The following FANCL variants were observed in gnomAD, a reference collection of about 807,000 sequenced individuals.
FANCL encodes the protein E3 ubiquitin-protein ligase FANCL.
Under a neutral mutation model 59.4 loss-of-function variants are expected in FANCL, and 69 were observed. The observed-to-expected ratio is 1.16, with a 90% confidence interval of 0.96 to 1.42. The LOEUF is 1.42. FANCL is among the 40% of genes most tolerant of loss of function. The pLI, the probability that FANCL is intolerant of heterozygous loss-of-function variation, is 0.00. For missense variants in FANCL, 519 were observed against 447.2 expected (o/e 1.16, Z -1.45); for synonymous variants, 180 against 147.1 (o/e 1.22, Z -1.62).
intron 8 of FANCL, 151 bp from the exon 9 acceptor site, chr2:58,163,668 T>C: frequency 1.6e-6 from 1 of 622,644 alleles, no homozygotes; most frequent in South Asian, 1.9e-5. Context: ...TAATGGTAAA[T>C]ATAATTGAAC....
chr2:58,182,987 C>A (rs1688070307), intron 7 of FANCL, among the ~76,000 whole-genome samples: 2 of 151,664 alleles, frequency 1.3e-5, no homozygotes, highest in African/African-American at 2.4e-5. Context: ...CTCACAAGAT[C>A]CGAGTGAGAT....
At chr2:58,229,679 G>GA in intron 3 of FANCL, 135 bp downstream of exon 3, 1 of 691,842 alleles carries the variant, frequency 1.4e-6, no homozygotes, top group Non-Finnish European at 2.6e-6. Flanking sequence ...AAAACACACA[G>GA]AGATGAAACC....
At position 58,159,278 on chromosome 2, in the gene FANCL, A is replaced by G. The variant is rs1684654702; in HGVS notation, c.*487T>C. 2 of 1,198,978 alleles carry G rather than the reference A, an allele frequency of 1.7e-6. No homozygotes were observed. Among genetic ancestry groups the G allele is most frequent in the Non-Finnish European group, 2.4e-6 (2 of 848,688 alleles). 74.3% of individuals were successfully genotyped at this position (1,198,978 alleles called of 1,614,324 possible). A position where few individuals can be genotyped will look rare whatever the true frequency, so the allele number is the denominator to read the frequency against. On this transcript the variant is annotated 3_prime_UTR_variant, in exon 14 of 14. Coordinates refer to ENST00000233741, the MANE Select transcript of FANCL (RefSeq NM_018062.4). ...ATAACATTTTATTTAGCATTCTTACACACTACACAAAATAAATACTTGGAT... is the reference window on the plus strand; with the variant it reads ...ATAACATTTTATTTAGCATTCTTACGCACTACACAAAATAAATACTTGGAT...
intron 13 of FANCL, 40 bp from the exon 14 acceptor site, chr2:58,159,840 C>A: frequency 1.9e-6 from 3 of 1,608,424 alleles, no homozygotes; most frequent in Non-Finnish European, 2.5e-6. Context: ...TTTGTGGACA[C>A]TCTAAAAAAT....
intron 5 of FANCL, among the ~76,000 whole-genome samples, chr2:58,208,692 T>C (rs975087611): frequency 3.3e-5 from 5 of 152,204 alleles, no homozygotes; most frequent in Non-Finnish European, 5.9e-5. Flanking sequence ...TCCACTTTTA[T>C]TGCCACTCTC....
chr2:58,198,039 G>T (rs1689605146), intron 7 of FANCL, among the ~76,000 whole-genome samples: 1 of 147,782 alleles, frequency 6.8e-6, no homozygotes, highest in South Asian at 2.1e-4. Flanking sequence ...GTGTGTGTGT[G>T]TGTGTGCGTG....
intron 7 of FANCL, among the ~76,000 whole-genome samples, chr2:58,186,421 A>C (rs921426098): frequency 6.6e-6 from 1 of 152,190 alleles, no homozygotes; most frequent in African/African-American, 2.4e-5. Context: ...AAGGACATGT[A>C]TGGGGAAAAT....
At chr2:58,186,435 T>C (rs549320270) in intron 7 of FANCL, among the ~76,000 whole-genome samples, 2 of 152,234 alleles carry the variant, frequency 1.3e-5, no homozygotes, top group African/African-American at 4.8e-5. Flanking sequence ...GGAAAATTTA[T>C]TGGAAGTGAA....
intron 7 of FANCL, among the ~76,000 whole-genome samples, chr2:58,187,323 C>T (rs1688501870): frequency 1.3e-5 from 2 of 150,912 alleles, no homozygotes; most frequent in South Asian, 4.2e-4. Context: ...GCACAGAAAA[C>T]CAAACACCGC....
intron 7 of FANCL, among the ~76,000 whole-genome samples, chr2:58,198,201 T>G (rs115324140): frequency 0.023 from 3,494 of 151,978 alleles, 56 homozygotes; most frequent in Non-Finnish European, 0.035. Flanking sequence ...TAAGGAAAAC[T>G]GAAAAAACAA....
rs2104796312 is a variant in FANCL at position 58,163,049 on chromosome 2, C to T, written c.801G>A (p.Leu267=). The T allele has an allele frequency of 6.2e-7, 1 of 1,612,218 alleles. No individual in the cohort carries two copies. The highest frequency in any genetic ancestry group is 1.1e-5 in the South Asian group (1 of 90,996). The change falls in exon 10 of 14, where the codon CTG becomes CTA. Residue 267 remains leucine (L), a synonymous_variant. Transcript: ENST00000233741. ...DHVVKPLGIK[L]SRNIHLWDPE... Reference sequence around the variant, plus strand: ...CCTACCACAAATGTATGTTCCTGCTCAGCTTAATTCCCAGGGGTTTTACCA... The same window carrying T: ...CCTACCACAAATGTATGTTCCTGCTTAGCTTAATTCCCAGGGGTTTTACCA...
chr2:58,219,716 G>T (rs1159840205), intron 5 of FANCL, among the ~76,000 whole-genome samples: 2 of 152,052 alleles, frequency 1.3e-5, no homozygotes, highest in African/African-American at 4.8e-5. Flanking sequence ...GCTCTAAAAA[G>T]TGTGCCAAAA....
chr2:58,218,986 C>T (rs1331022486), intron 5 of FANCL, among the ~76,000 whole-genome samples: 1 of 150,292 alleles, frequency 6.7e-6, no homozygotes, highest in Non-Finnish European at 1.5e-5. Flanking sequence ...AACAACAACA[C>T]ACCAATAGCA....
rs1691033941 is a variant in FANCL at position 58,210,501 on chromosome 2, ACCCCTGACCCCT to A, written c.375-6287_375-6276del. 3.3e-5 allele frequency among the ~76,000 whole-genome samples: 5 copies of A among 152,036 alleles called. No homozygotes were observed. In the South Asian group the frequency reaches 1.0e-3, roughly 32 times the overall value. On this transcript the variant is annotated intron_variant, in intron 5 of 13. Transcript: ENST00000233741. Reference sequence around the variant, plus strand: ...ACACAGAGTCAAACCATATCATTCTACCCCTGACCCCTCCCCAAATGTCCTCACATTTCAAAA... The same window carrying A: ...ACACAGAGTCAAACCATATCATTCTACCCCAAATGTCCTCACATTTCAAAA...
chr2:58,209,311 A>C (rs1402720931), intron 5 of FANCL, among the ~76,000 whole-genome samples: 1 of 152,234 alleles, frequency 6.6e-6, no homozygotes, highest in South Asian at 2.1e-4. Flanking sequence ...TGTAAGTTTC[A>C]AACAATAGCT....
At chr2:58,196,706 G>A (rs1038757112) in intron 7 of FANCL, among the ~76,000 whole-genome samples, 2 of 151,844 alleles carry the variant, frequency 1.3e-5, no homozygotes, top group African/African-American at 4.8e-5. Flanking sequence ...TCTTTTCATG[G>A]CATTGCAAAC....
chr2:58,222,085 A>T, intron 4 of FANCL, 43 bp from the exon 5 acceptor site: 2 of 1,359,942 alleles, frequency 1.5e-6, no homozygotes, highest in Non-Finnish European at 2.1e-6. Context: ...GGAACGCAAG[A>T]CAATGAACTG....
At chr2:58,209,700 T>C (rs1352810680) in intron 5 of FANCL, among the ~76,000 whole-genome samples, 1 of 152,186 alleles carries the variant, frequency 6.6e-6, no homozygotes, top group Non-Finnish European at 1.5e-5. Flanking sequence ...CATTATTAGC[T>C]TCCTTTAAAA....
chr2:58,203,208 T>C (rs890130669), intron 6 of FANCL, among the ~76,000 whole-genome samples: 2 of 151,904 alleles, frequency 1.3e-5, no homozygotes, highest in African/African-American at 4.8e-5. Flanking sequence ...GTGAGAGAAT[T>C]AGTCATTTCT....
Sources: gnomAD v4.1 joint callset for allele counts (sites outside exome capture counted in the v4.1 genomes callset) on GRCh38, gnomAD v4.1.1 for gene constraint, MANE v1.5 for transcripts, NCBI Gene and HGNC (gene_info 2026-07-23, HGNC 2026-07-21) for gene names.